The following TASP1 variants were observed in gnomAD, a reference collection of about 807,000 sequenced individuals.
TASP1 encodes the protein threonine aspartase 1.
Under a neutral mutation model 56.6 loss-of-function variants are expected in TASP1, and 16 were observed. The observed-to-expected ratio is 0.28, with a 90% CI of 0.19 to 0.43. The LOEUF is 0.43. Ranked by LOEUF, TASP1 falls within the 20% of genes least tolerant of loss-of-function variation. TASP1 has a pLI of 1.00. For synonymous variants in TASP1, 179 were observed against 184.2 expected (o/e 0.97, Z 0.23); for missense variants, 393 against 511.6 (o/e 0.77, Z 2.24).
the TASP1 span, chr20:13,368,724 A>G: frequency 6.6e-6 from 1 of 152,182 alleles, no homozygotes; most frequent in East Asian, 1.9e-4. Flanking sequence ...AGATAAACCC[A>G]TTTTTGTCAT....
chr20:13,143,680 G>T, the TASP1 span, among the ~76,000 whole-genome samples: 1 of 152,154 alleles, frequency 6.6e-6, no homozygotes, highest in African/African-American at 2.4e-5. Context: ...TCCTACCCTA[G>T]CAAAGCTCTG....
At chr20:13,620,353 A>G (rs2048669270) in intron 4 of TASP1, among the ~76,000 whole-genome samples, 1 of 151,828 alleles carries the variant, frequency 6.6e-6, no homozygotes, top group South Asian at 2.1e-4. Flanking sequence ...CCATGCATGG[A>G]GTTAAGAACG....
chr20:13,397,632 G>A lies in TASP1; in HGVS notation c.1171-7180C>T, dbSNP rs1051174332. ...AGGTTTTCAGGGTGAATCAGAGCTT[G>A]CTCAGGAAAGCTACTGGAACAAATC... is the stretch of plus-strand genomic sequence containing the variant. On this transcript the variant is annotated intron_variant, in intron 13 of 13. Transcript: ENST00000337743. Among the ~76,000 whole-genome samples, 5 of 152,256 alleles carry A rather than the reference G, an allele frequency of 3.3e-5. No homozygotes were observed. In the South Asian group the frequency reaches 1.0e-3, roughly 32 times the overall value.
chr20:13,360,939 G>T, the TASP1 span, among the ~76,000 whole-genome samples: 2 of 152,114 alleles, frequency 1.3e-5, no homozygotes, highest in East Asian at 1.9e-4. Context: ...ATTGATGGCG[G>T]TTCCACCAGG....
At chr20:13,197,800 G>T in the TASP1 span, among the ~76,000 whole-genome samples, 1 of 152,062 alleles carries the variant, frequency 6.6e-6, no homozygotes. Context: ...CATCCAGATT[G>T]CCTAGAGTTC....
the TASP1 span, chr20:13,126,752 C>T: frequency 1.2e-6 from 2 of 1,610,750 alleles, no homozygotes; most frequent in Admixed American, 3.4e-5. Context: ...GCTCCTGGAC[C>T]TCTCTGTCTC....
the TASP1 span, chr20:13,239,090 T>G: frequency 2.0e-5 from 3 of 152,090 alleles, no homozygotes; most frequent in African/African-American, 7.2e-5. Context: ...GGAATCCACA[T>G]CAACTAGAAA....
the TASP1 span, among the ~76,000 whole-genome samples, chr20:13,114,286 G>A: frequency 5.3e-5 from 8 of 152,162 alleles, no homozygotes; most frequent in African/African-American, 1.9e-4. Context: ...TCAGTGTTCT[G>A]AACTGTATGT....
the TASP1 span, among the ~76,000 whole-genome samples, chr20:13,224,058 G>A: frequency 2.0e-5 from 3 of 151,988 alleles, no homozygotes; most frequent in Admixed American, 6.6e-5. Flanking sequence ...TGCCCCAAGA[G>A]GACACAACAA....
At chr20:13,292,979 G>A in the TASP1 span, among the ~76,000 whole-genome samples, 2 of 151,894 alleles carry the variant, frequency 1.3e-5, no homozygotes, top group African/African-American at 2.4e-5. Flanking sequence ...GGCAGATCAC[G>A]AGGTCAGGAG....
chr20:13,435,212 T>C (rs1239374919), intron 11 of TASP1, 58 bp from the exon 12 acceptor site: 2 of 1,298,440 alleles, frequency 1.5e-6, no homozygotes, highest in Non-Finnish European at 2.1e-6. Flanking sequence ...AAATTTTCAA[T>C]TTTCATTTGA....
chr20:13,245,170 C>T, the TASP1 span: 3 of 152,178 alleles, frequency 2.0e-5, no homozygotes, highest in African/African-American at 7.2e-5. Flanking sequence ...TATGCTACCC[C>T]GTAGCTGCTC....
At chr20:13,448,595 A>G (rs892821810) in intron 11 of TASP1, among the ~76,000 whole-genome samples, 18 of 152,136 alleles carry the variant, frequency 1.2e-4, no homozygotes, top group African/African-American at 4.3e-4. Flanking sequence ...GTGTATTCTT[A>G]CACAAAGAAA....
chr20:13,119,093 G>C, the TASP1 span, among the ~76,000 whole-genome samples: 11 of 152,306 alleles, frequency 7.2e-5, no homozygotes, highest in African/African-American at 2.4e-4. Flanking sequence ...CTAGACTGTC[G>C]AAGCAGTAGG....
the TASP1 span, among the ~76,000 whole-genome samples, chr20:13,343,704 G>A: frequency 2.6e-5 from 4 of 152,246 alleles, no homozygotes; most frequent in East Asian, 7.7e-4. Context: ...GGAATTGGGC[G>A]TCCACCTCCT....
At chr20:13,362,273 T>C in the TASP1 span, among the ~76,000 whole-genome samples, 1 of 151,582 alleles carries the variant, frequency 6.6e-6, no homozygotes, top group African/African-American at 2.4e-5. Context: ...AGCCATCGCA[T>C]CCCCTGTGAC....
chr20:13,545,895 C>T (rs1232549275), intron 8 of TASP1, among the ~76,000 whole-genome samples: 2 of 152,150 alleles, frequency 1.3e-5, no homozygotes. Flanking sequence ...ACCCTTTATC[C>T]AACATCCAGC....
chr20:13,245,037 G>A, the TASP1 span, among the ~76,000 whole-genome samples: 1 of 152,274 alleles, frequency 6.6e-6, no homozygotes, highest in African/African-American at 2.4e-5. Flanking sequence ...GCACAACTTT[G>A]GACCATGAGT....
At chr20:13,211,170 GTCTAACAGTGTA>G in the TASP1 span, among the ~76,000 whole-genome samples, 2 of 152,086 alleles carry the variant, frequency 1.3e-5, no homozygotes, top group Non-Finnish European at 2.9e-5. Flanking sequence ...AAATAGCATG[GTCTAACAGTGTA>G]TTATATTGCA....
Sources: gnomAD v4.1 joint callset for allele counts (sites outside exome capture counted in the v4.1 genomes callset) on GRCh38, gnomAD v4.1.1 for gene constraint, MANE v1.5 for transcripts, NCBI Gene and HGNC (gene_info 2026-07-23, HGNC 2026-07-21) for gene names.